Variants in SINHCAF observed in about 807,000 individuals in gnomAD.
SINHCAF encodes the protein SIN3-HDAC complex-associated factor.
A neutral mutation model predicts 25.8 loss-of-function variants in SINHCAF; 3 were observed. That is an observed-to-expected ratio of 0.12 (90% confidence interval 0.05 to 0.30). The LOEUF (loss-of-function observed/expected upper bound fraction) is 0.30, where lower values mean the gene tolerates loss of function less well. Among genes scored for constraint, SINHCAF ranks in the 10% least tolerant of loss-of-function variants. The pLI is 1.00. For missense variants in SINHCAF, 121 were observed against 262.3 expected, an observed-to-expected ratio of 0.46 and a Z score of 3.72; for synonymous variants, 70 against 85.5, an observed-to-expected ratio of 0.82 and a Z score of 1.00.
chr12:31,314,121 G>C (rs970470540), intron 1 of SINHCAF, among the ~76,000 whole-genome samples: 3 of 152,088 alleles, frequency 2.0e-5, no homozygotes, highest in Admixed American at 6.6e-5. Context: ...AGGACAACAA[G>C]AGCAGGGGCC....
At chr12:31,301,057 C>A (rs141347732) in intron 1 of SINHCAF, among the ~76,000 whole-genome samples, 2 of 152,336 alleles carry the variant, frequency 1.3e-5, no homozygotes, top group East Asian at 3.9e-4. Context: ...CAGCTCATCT[C>A]TAGGATGTGA....
intron 1 of SINHCAF, among the ~76,000 whole-genome samples, chr12:31,316,102 A>G (rs888649898): frequency 7.2e-5 from 11 of 152,122 alleles, no homozygotes; most frequent in African/African-American, 2.7e-4. Flanking sequence ...CCCGGGAGGC[A>G]GAGTATGCAG....
At chr12:31,283,961 T>C (rs1937927419) in intron 5 of SINHCAF, among the ~76,000 whole-genome samples, 1 of 152,022 alleles carries the variant, frequency 6.6e-6, no homozygotes, top group Non-Finnish European at 1.5e-5. Context: ...AGAGCTTTAT[T>C]TCATTTTAAC....
chr12:31,303,364 G>T, intron 1 of SINHCAF: 1 of 281,586 alleles, frequency 3.6e-6, no homozygotes, highest in Non-Finnish European at 5.4e-6. Context: ...AAAGAGGTGA[G>T]ATGAGGTTGA....
chr12:31,302,887 C>T, intron 1 of SINHCAF: 1 of 965,376 alleles, frequency 1.0e-6, no homozygotes, highest in Non-Finnish European at 1.2e-6. Context: ...TAACAAACTC[C>T]AGTTACAAAT....
At chr12:31,306,139 A>G (rs1188040071) in intron 1 of SINHCAF, among the ~76,000 whole-genome samples, 1 of 152,224 alleles carries the variant, frequency 6.6e-6, no homozygotes, top group African/African-American at 2.4e-5. Context: ...CAGGATGGGC[A>G]ATTGCATTAC....
intron 1 of SINHCAF, among the ~76,000 whole-genome samples, chr12:31,323,752 CT>C (rs1274284144): frequency 6.6e-6 from 1 of 152,076 alleles, no homozygotes; most frequent in Non-Finnish European, 1.5e-5. Flanking sequence ...GCCCACAGTC[CT>C]CACTTCCCTT....
chr12:31,301,224 T>G (rs892141474), intron 1 of SINHCAF, among the ~76,000 whole-genome samples: 1 of 152,216 alleles, frequency 6.6e-6, no homozygotes, highest in Non-Finnish European at 1.5e-5. Flanking sequence ...TCAATGATTT[T>G]TTTCTGCTGG....
At chr12:31,300,061 G>A (rs976741957) in intron 1 of SINHCAF, among the ~76,000 whole-genome samples, 2 of 152,146 alleles carry the variant, frequency 1.3e-5, no homozygotes, top group African/African-American at 4.8e-5. Context: ...ACATATGGCT[G>A]TATTTGTCTT....
At chr12:31,286,281 C>CT (rs1365373565) in intron 5 of SINHCAF, among the ~76,000 whole-genome samples, 243 of 147,084 alleles carry the variant, frequency 1.7e-3, no homozygotes, top group African/African-American at 5.1e-3. Flanking sequence ...TTTGCTAAAA[C>CT]TTTTTTTTTT....
intron 1 of SINHCAF, among the ~76,000 whole-genome samples, chr12:31,307,753 A>G (rs1377161591): frequency 6.6e-6 from 1 of 152,214 alleles, no homozygotes; most frequent in African/African-American, 2.4e-5. Context: ...CTATCTCTCC[A>G]ACAGTTTTAT....
At chr12:31,286,592 G>A (rs1410014337) in intron 5 of SINHCAF, among the ~76,000 whole-genome samples, 1 of 151,672 alleles carries the variant, frequency 6.6e-6, no homozygotes, top group Non-Finnish European at 1.5e-5. Flanking sequence ...GAACCCGGGA[G>A]GCAGAGGCTG....
chr12:31,323,894 G>T, intron 1 of SINHCAF: 1 of 452,116 alleles, frequency 2.2e-6, no homozygotes, highest in South Asian at 1.6e-5. Context: ...CCGTTTCTCT[G>T]AAAGCAGTAA....
chr12:31,292,173 A>G (rs1938355948), intron 4 of SINHCAF, among the ~76,000 whole-genome samples: 2 of 152,226 alleles, frequency 1.3e-5, no homozygotes, highest in African/African-American at 4.8e-5. Flanking sequence ...TCAAGTGATA[A>G]AAGAAAATTA....
intron 1 of SINHCAF, among the ~76,000 whole-genome samples, chr12:31,319,600 C>T (rs1009725496): frequency 5.9e-5 from 9 of 152,192 alleles, no homozygotes; most frequent in Non-Finnish European, 1.5e-5. Context: ...ACACAAAGAT[C>T]GGCACAAGGT....
rs1937769795 is a variant in SINHCAF, at chr12:31,281,069, C to T, written c.*1643G>A. 1 of 152,066 alleles carries T rather than the reference C, an allele frequency of 6.6e-6. No homozygotes were observed. The highest frequency in any genetic ancestry group is 6.6e-5 in the Admixed American group (1 of 15,262). The allele number at this position is 152,066 out of a possible 1,614,324, so 9.4% of individuals were successfully genotyped here. A position where few individuals can be genotyped will look rare whatever the true frequency, so the allele number is the denominator to read the frequency against. ...GGTGCCTATAAAAGGTGGCTTACTC[C>T]TTATTGTTATTATACTATCCAATTT... On this transcript the variant is annotated 3_prime_UTR_variant, in exon 6 of 6. Coordinates refer to ENST00000337682, the MANE Select transcript of SINHCAF (RefSeq NM_001135812.2).
chr12:31,292,778 T>G, intron 4 of SINHCAF, among the ~76,000 whole-genome samples: 1 of 152,184 alleles, frequency 6.6e-6, no homozygotes, highest in East Asian at 1.9e-4. Flanking sequence ...GCTCAAAAAA[T>G]GTTGAGTTCT....
chr12:31,313,749 A>T (rs1939376131), intron 1 of SINHCAF, among the ~76,000 whole-genome samples: 1 of 151,450 alleles, frequency 6.6e-6, no homozygotes, highest in Non-Finnish European at 1.5e-5. Context: ...CCTGGGTTCA[A>T]GCGATTCTCC....
intron 2 of SINHCAF, 114 bp from the exon 3 acceptor site, chr12:31,295,447 A>C (rs1938510770): frequency 1.4e-6 from 1 of 692,484 alleles, no homozygotes; most frequent in Non-Finnish European, 2.5e-6. Context: ...GATACAATTT[A>C]ATCATCCTGG....
Sources: allele counts gnomAD v4.1 joint callset (sites outside exome capture counted in the v4.1 genomes callset), GRCh38; gene constraint gnomAD v4.1.1; transcripts MANE v1.5; gene names NCBI Gene and HGNC (gene_info 2026-07-23, HGNC 2026-07-21).